The following DNAH8 variants were observed in gnomAD, a reference collection of about 807,000 sequenced individuals.
DNAH8 encodes the protein dynein axonemal heavy chain 8.
A neutral mutation model predicts 562.1 loss-of-function variants in DNAH8; 382 were observed. The observed-to-expected ratio is 0.68, with a 90% CI of 0.63 to 0.74. The LOEUF is 0.74. Among genes scored for constraint, DNAH8 ranks in the 30% least tolerant of loss-of-function variants. DNAH8 has a pLI of 0.00. For synonymous variants in DNAH8, 1,881 were observed against 1,919.4 expected, an observed-to-expected ratio of 0.98 and a Z score of 0.52; for missense variants, 5,203 against 5,620.4, an observed-to-expected ratio of 0.93 and a Z score of 2.37.
intron 3 of DNAH8, among the ~76,000 whole-genome samples, chr6:38,726,304 G>A (rs777820566): frequency 6.6e-6 from 1 of 152,206 alleles, no homozygotes; most frequent in South Asian, 2.1e-4. Flanking sequence ...TAAGATGTGG[G>A]GGGGAGATGG....
chr6:38,743,997 T>C (rs1253052204), intron 8 of DNAH8: 1 of 152,226 alleles, frequency 6.6e-6, no homozygotes, highest in African/African-American at 2.4e-5. Context: ...AGCTTTTATA[T>C]GTCCATATGC....
Position 38,834,560 on chromosome 6 carries a change from A to G in DNAH8, c.4303-19A>G. 6.6e-7 allele frequency: 1 copy of G among 1,521,348 alleles called. No homozygotes were observed. Among genetic ancestry groups the G allele is most frequent in the Non-Finnish European group, 8.9e-7 (1 of 1,118,002 alleles). 94.2% of individuals were successfully genotyped at this position (1,521,348 alleles called of 1,614,324 possible). On this transcript the variant is annotated intron_variant, in intron 31 of 92. Transcript: ENST00000327475. Reference sequence around the variant, plus strand: ...CATATGATTAAGAATGAAAATGGAGATTATATTCTTCCTTACAGGAAGGAC... The same window carrying G: ...CATATGATTAAGAATGAAAATGGAGGTTATATTCTTCCTTACAGGAAGGAC...
chr6:38,755,910 G>A (rs1765860438), intron 9 of DNAH8, 62 bp from the exon 10 acceptor site: 2 of 948,798 alleles, frequency 2.1e-6, no homozygotes, highest in Non-Finnish European at 3.4e-6. Context: ...GAGTATTATA[G>A]AATATTGGTT....
intron 77 of DNAH8, among the ~76,000 whole-genome samples, 175 bp from the exon 78 acceptor site, chr6:38,937,799 G>A (rs1227417710): frequency 6.6e-6 from 1 of 152,132 alleles, no homozygotes; most frequent in Admixed American, 6.5e-5. Context: ...GGTATTGGGT[G>A]GTAGTTGGAC....
intron 77 of DNAH8, 117 bp downstream of exon 77, chr6:38,935,814 A>G: frequency 1.4e-6 from 1 of 702,740 alleles, no homozygotes; most frequent in South Asian, 2.7e-5. Flanking sequence ...ATCAATGCAA[A>G]AACAAGCAAG....
intron 21 of DNAH8, among the ~76,000 whole-genome samples, chr6:38,801,556 G>T (rs897209081): frequency 1.6e-4 from 25 of 152,224 alleles, no homozygotes; most frequent in African/African-American, 5.8e-4. Flanking sequence ...TGATCAGCTG[G>T]AATTGTCTAC....
At chr6:38,785,136 G>GT (rs2127646130) in intron 17 of DNAH8, among the ~76,000 whole-genome samples, 1 of 152,208 alleles carries the variant, frequency 6.6e-6, no homozygotes, top group South Asian at 2.1e-4. Context: ...ATTCTTTCGT[G>GT]TTTTTTCACA....
At chr6:38,843,212 G>A (rs576165839) in intron 35 of DNAH8, among the ~76,000 whole-genome samples, 5 of 151,014 alleles carry the variant, frequency 3.3e-5, no homozygotes, top group East Asian at 1.9e-4. Context: ...TGTGTTCTTG[G>A]TGAATCCCTC....
chr6:38,898,139 A>G lies in DNAH8; in HGVS notation c.8941-119A>G, dbSNP rs779273855. On this transcript the variant is annotated intron_variant, in intron 60 of 92. Transcript: ENST00000327475. ...ATACGTGAGAAACCTCTGGAAATCC[A>G]TAACGTTTAAAAAAAGATATGTATA... is the stretch of plus-strand genomic sequence containing the variant. 1.5e-5 allele frequency: 14 copies of G among 922,448 alleles called. No homozygotes were observed. The East Asian group carries it at 3.8e-4, about 25-fold the overall frequency. The allele number at this position is 922,448 out of a possible 1,614,324, so 57.1% of individuals were successfully genotyped here.
chr6:38,738,864 C>T (rs1006453142), intron 7 of DNAH8, among the ~76,000 whole-genome samples: 1 of 152,160 alleles, frequency 6.6e-6, no homozygotes, highest in Non-Finnish European at 1.5e-5. Flanking sequence ...ACTCTTGCAG[C>T]CACCGTGCCC....
chr6:38,859,968 C>G (rs940593555), intron 42 of DNAH8, among the ~76,000 whole-genome samples: 2 of 152,156 alleles, frequency 1.3e-5, no homozygotes, highest in African/African-American at 4.8e-5. Context: ...CTGTACTGAC[C>G]TTTTTTCAAT....
intron 72 of DNAH8, 190 bp downstream of exon 72, chr6:38,923,375 G>T: frequency 1.6e-6 from 1 of 627,042 alleles, no homozygotes; most frequent in Non-Finnish European, 2.5e-6. Flanking sequence ...CTCAGCTGTG[G>T]TTCAGCACTG....
chr6:38,750,830 A>C (rs1212453660), intron 9 of DNAH8, among the ~76,000 whole-genome samples: 1 of 152,174 alleles, frequency 6.6e-6, no homozygotes, highest in Non-Finnish European at 1.5e-5. Context: ...AAAAATCTTT[A>C]ATATGTGTAT....
intron 88 of DNAH8, among the ~76,000 whole-genome samples, chr6:38,997,058 A>G (rs983785826): frequency 6.6e-6 from 1 of 151,942 alleles, no homozygotes; most frequent in Admixed American, 6.6e-5. Context: ...AACTTCCCAT[A>G]TGGTCTGCCT....
intron 41 of DNAH8, among the ~76,000 whole-genome samples, chr6:38,855,794 G>A (rs770186792): frequency 3.9e-5 from 6 of 152,166 alleles, no homozygotes; most frequent in Non-Finnish European, 7.3e-5. Context: ...AAACTGGGTC[G>A]CACAGCAGGA....
intron 56 of DNAH8, among the ~76,000 whole-genome samples, chr6:38,884,740 T>C (rs150202163): frequency 1.2e-4 from 18 of 152,316 alleles, no homozygotes; most frequent in African/African-American, 4.3e-4. Context: ...GAGTACGTGA[T>C]GTTCAAAAAA....
intron 53 of DNAH8, among the ~76,000 whole-genome samples, chr6:38,879,932 A>G (rs1281690075): frequency 6.6e-6 from 1 of 152,182 alleles, no homozygotes; most frequent in Non-Finnish European, 1.5e-5. Context: ...TTTTAAGAAT[A>G]CCAGTTAAAA....
intron 10 of DNAH8, 29 bp downstream of exon 10, chr6:38,756,108 T>A: frequency 7.4e-7 from 1 of 1,346,740 alleles, no homozygotes; most frequent in Non-Finnish European, 1.1e-6. Context: ...AAATTACATG[T>A]CATCCTGTGA....
intron 91 of DNAH8, among the ~76,000 whole-genome samples, chr6:39,021,580 C>G (rs908911627): frequency 6.6e-6 from 1 of 152,174 alleles, no homozygotes; most frequent in Non-Finnish European, 1.5e-5. Context: ...TTGACCAACC[C>G]TATCTTTGTT....
Sources: gnomAD v4.1 joint callset for allele counts (sites outside exome capture counted in the v4.1 genomes callset) on GRCh38, gnomAD v4.1.1 for gene constraint, MANE v1.5 for transcripts, NCBI Gene and HGNC (gene_info 2026-07-23, HGNC 2026-07-21) for gene names.